Variants in ADAMTSL1 observed in about 807,000 individuals in gnomAD.
ADAMTSL1 encodes the protein ADAMTS like 1, also known as ADAMTS-like protein 1.
ADAMTSL1 carries 126 observed loss-of-function variants against 201.8 expected under a neutral mutation model. That is an observed-to-expected ratio of 0.62 (90% CI 0.54 to 0.72). ADAMTSL1 has a LOEUF of 0.72. ADAMTSL1 is among the 30% of genes least tolerant of loss of function. The pLI, the probability that ADAMTSL1 is intolerant of heterozygous loss-of-function variation, is 0.00. For synonymous variants in ADAMTSL1, 1,121 were observed against 903.4 expected, an observed-to-expected ratio of 1.24 and a Z score of -4.32; for missense variants, 2,679 against 2,277.8, an observed-to-expected ratio of 1.18 and a Z score of -3.59.
At chr9:18,028,986 A>G (rs770428488) in intron 1 of ADAMTSL1, among the ~76,000 whole-genome samples, 1 of 152,154 alleles carries the variant, frequency 6.6e-6, no homozygotes, top group Non-Finnish European at 1.5e-5. Context: ...CATCCCTTGT[A>G]AGATGGATTC....
chr9:18,802,006 G>C (rs925261227), intron 20 of ADAMTSL1, among the ~76,000 whole-genome samples: 1 of 152,198 alleles, frequency 6.6e-6, no homozygotes, highest in African/African-American at 2.4e-5. Flanking sequence ...GCCGGGCACA[G>C]TGACTCATGC....
At chr9:18,040,702 C>A (rs1284307329) in intron 1 of ADAMTSL1, among the ~76,000 whole-genome samples, 1 of 151,960 alleles carries the variant, frequency 6.6e-6, no homozygotes, top group East Asian at 1.9e-4. Flanking sequence ...AGCTTACAAC[C>A]TGAATGGCTT....
intron 2 of ADAMTSL1, among the ~76,000 whole-genome samples, chr9:18,177,955 C>T (rs187074059): frequency 6.6e-6 from 1 of 152,258 alleles, no homozygotes; most frequent in East Asian, 1.9e-4. Context: ...ATTCACTTGC[C>T]AGTGGCTTTA....
At chr9:18,633,446 C>T (rs754358801) in intron 5 of ADAMTSL1, among the ~76,000 whole-genome samples, 4 of 151,908 alleles carry the variant, frequency 2.6e-5, no homozygotes, top group South Asian at 2.1e-4. Context: ...AAAAATTAGC[C>T]GGGCTGCAGT....
chr9:18,840,450 A>C (rs1162132867), intron 23 of ADAMTSL1, among the ~76,000 whole-genome samples: 7 of 152,132 alleles, frequency 4.6e-5, no homozygotes, highest in Non-Finnish European at 1.0e-4. Context: ...CTTCTGGTAT[A>C]GTTTGAAGTC....
At chr9:18,733,655 ACT>A (rs1320447035) in intron 15 of ADAMTSL1, among the ~76,000 whole-genome samples, 9 of 93,078 alleles carry the variant, frequency 9.7e-5, no homozygotes, top group South Asian at 3.9e-4. Context: ...TCACTCGCTC[ACT>A]CTCTCTCTCT....
chr9:18,101,781 C>A (rs16936307), intron 1 of ADAMTSL1, among the ~76,000 whole-genome samples: 3,848 of 152,172 alleles, frequency 0.025, 111 homozygotes, highest in African/African-American at 0.063. Flanking sequence ...AGAATCCAGC[C>A]GGTCAGAAAA....
Position 18,817,127 on chromosome 9 carries a change from C to T in ADAMTSL1, c.3824C>T (p.Thr1275Met), listed in dbSNP as rs376137552. Reference protein sequence around the residue: ...VTLAGKPLVKTSRMTVINTEK... With the variant: ...VTLAGKPLVKMSRMTVINTEK... ...TCTTCAGGAAAGCCACTAGTGAAAACGTCACGAATGACAGTGATCAACACG... is the reference window on the plus strand; with the variant it reads ...TCTTCAGGAAAGCCACTAGTGAAAATGTCACGAATGACAGTGATCAACACG... Residue 1275 changes from threonine to methionine, a missense_variant, in exon 21 of 29, where the codon ACG (threonine) becomes ATG (methionine). By Grantham distance (81) the Thr-to-Met change is moderately conservative. Coordinates refer to ENST00000380548, the MANE Select transcript of ADAMTSL1 (RefSeq NM_001040272.6). 118 of 1,607,748 alleles carry T rather than the reference C, an allele frequency of 7.3e-5. No individual in the cohort carries two copies. The South Asian group carries it at 7.9e-4, about 11-fold the overall frequency.
chr9:18,615,481 A>T (rs1228665675), intron 4 of ADAMTSL1, among the ~76,000 whole-genome samples: 1 of 152,188 alleles, frequency 6.6e-6, no homozygotes, highest in Non-Finnish European at 1.5e-5. Context: ...GAATATTCAA[A>T]CTTGTTATTA....
chr9:18,253,426 G>T (rs1213893419), intron 2 of ADAMTSL1, among the ~76,000 whole-genome samples: 2 of 152,132 alleles, frequency 1.3e-5, no homozygotes, highest in East Asian at 3.9e-4. Context: ...ATTCTAACTA[G>T]TTGTCTAATT....
chr9:18,735,012 G>T (rs1818424114), intron 15 of ADAMTSL1, among the ~76,000 whole-genome samples: 1 of 152,136 alleles, frequency 6.6e-6, no homozygotes, highest in South Asian at 2.1e-4. Context: ...GTTAAAAATG[G>T]ATCAAATTAA....
chr9:18,274,751 C>T (rs1399599435), intron 2 of ADAMTSL1, among the ~76,000 whole-genome samples: 1 of 152,038 alleles, frequency 6.6e-6, no homozygotes, highest in Non-Finnish European at 1.5e-5. Context: ...GCAAAAGAGA[C>T]TATTATAAAA....
chr9:18,310,399 A>AAAAAAAAAAAAAAAAAAAAAAAAAAAAAC (rs1440483712), intron 2 of ADAMTSL1, among the ~76,000 whole-genome samples: 1 of 127,324 alleles, frequency 7.9e-6, no homozygotes, highest in Non-Finnish European at 1.7e-5. Flanking sequence ...AAAAAAAAAA[A>AAAAAAAAAAAAAAAAAAAAAAAAAAAAAC]CTATCTTCAG....
chr9:18,517,354 A>T (rs532393031), intron 2 of ADAMTSL1, among the ~76,000 whole-genome samples: 1 of 151,320 alleles, frequency 6.6e-6, no homozygotes, highest in Non-Finnish European at 1.5e-5. Context: ...ATAGAGCCCA[A>T]TTTTTTTACT....
At chr9:18,390,792 A>C (rs1317574702) in intron 2 of ADAMTSL1, among the ~76,000 whole-genome samples, 2 of 152,160 alleles carry the variant, frequency 1.3e-5, no homozygotes, top group African/African-American at 2.4e-5. Context: ...AAAAATACAA[A>C]AAAACAAAAC....
chr9:18,800,377 CAAAAAAAAAAA>C (rs58346548), intron 20 of ADAMTSL1, among the ~76,000 whole-genome samples: 16 of 60,674 alleles, frequency 2.6e-4, no homozygotes, highest in South Asian at 1.6e-3. Flanking sequence ...AACTCCATCT[CAAAAAAAAAAA>C]AAAAAAAAAA....
intron 1 of ADAMTSL1, among the ~76,000 whole-genome samples, chr9:18,099,523 T>C (rs1824422064): frequency 6.6e-6 from 1 of 150,798 alleles, no homozygotes; most frequent in Non-Finnish European, 1.5e-5. Flanking sequence ...TTTCTTTGTA[T>C]TTGTTTTCTT....
At chr9:18,100,528 C>G (rs1824468591) in intron 1 of ADAMTSL1, among the ~76,000 whole-genome samples, 1 of 152,174 alleles carries the variant, frequency 6.6e-6, no homozygotes, top group Non-Finnish European at 1.5e-5. Flanking sequence ...GTTCACAGAG[C>G]TCTATATTCT....
chr9:18,729,733 G>A (rs1378619868), intron 15 of ADAMTSL1, among the ~76,000 whole-genome samples: 6 of 152,152 alleles, frequency 3.9e-5, no homozygotes, highest in African/African-American at 1.2e-4. Context: ...GCCAAAGCCG[G>A]AGTTTGGGAA....
Sources: allele counts gnomAD v4.1 joint callset (sites outside exome capture counted in the v4.1 genomes callset), GRCh38; gene constraint gnomAD v4.1.1; transcripts MANE v1.5; gene names NCBI Gene and HGNC (gene_info 2026-07-23, HGNC 2026-07-21).